Variants in FGFR1 observed in about 807,000 individuals in gnomAD.
The protein encoded by FGFR1 is FGFR1/PLAG1 fusion.
FGFR1 carries 18 observed loss-of-function variants against 93.7 expected under a neutral mutation model. That is an observed-to-expected ratio of 0.19 (90% CI 0.13 to 0.28). The LOEUF is 0.28. FGFR1 is among the 10% of genes least tolerant of loss of function. The pLI is 1.00. For missense variants in FGFR1, 731 were observed against 1,080.4 expected, an observed-to-expected ratio of 0.68 and a Z score of 4.53; for synonymous variants, 448 against 429.3, an observed-to-expected ratio of 1.04 and a Z score of -0.54.
rs1216596613 is a variant in FGFR1 at position 38,429,407 on chromosome 8, TC to T, written c.358+274del. 2.9e-6 allele frequency: 2 copies of T among 695,090 alleles called. No individual in the cohort carries two copies. Among genetic ancestry groups the T allele is most frequent in the Non-Finnish European group, 5.3e-6 (2 of 377,346 alleles). The allele number at this position is 695,090 out of a possible 1,614,324, so 43.1% of individuals were successfully genotyped here. ...CTGGGCAAGCTGTGGTGGAAAAAAA[TC>T]ACAGGGTCTTAACATCCCAAGAGCC... is the stretch of plus-strand genomic sequence containing the variant. On this transcript the variant is annotated intron_variant, in intron 3 of 17. Coordinates refer to ENST00000447712, the MANE Select transcript of FGFR1 (RefSeq NM_023110.3). The surrounding 1 kb of genome is among the most constrained non-coding windows in gnomAD (Gnocchi z 4.4).
intron 9 of FGFR1, chr8:38,418,792 A>G: frequency 3.8e-6 from 1 of 261,694 alleles, no homozygotes; most frequent in Non-Finnish European, 7.5e-6. Context: ...TGCCATCTGT[A>G]CCATTTCCTC....
At chr8:38,421,382 C>T (rs1818713099) in intron 8 of FGFR1, among the ~76,000 whole-genome samples, 1 of 152,194 alleles carries the variant, frequency 6.6e-6, no homozygotes, top group African/African-American at 2.4e-5. Flanking sequence ...AAGCCCCACC[C>T]CTGGGCTGAG....
chr8:38,457,029 T>A (rs1210586637), intron 2 of FGFR1, among the ~76,000 whole-genome samples: 2 of 152,220 alleles, frequency 1.3e-5, no homozygotes. Flanking sequence ...ATCACCTATG[T>A]TAAAGTGTGA....
intron 2 of FGFR1, among the ~76,000 whole-genome samples, chr8:38,444,017 C>A (rs564228070): frequency 7.5e-6 from 1 of 134,174 alleles, no homozygotes; most frequent in South Asian, 2.4e-4. Flanking sequence ...CGCACCATTG[C>A]ACCCCAGCCT....
chr8:38,451,478 G>C (rs1243923783), intron 2 of FGFR1, among the ~76,000 whole-genome samples: 2 of 152,160 alleles, frequency 1.3e-5, no homozygotes, highest in Non-Finnish European at 2.9e-5. Flanking sequence ...AGGGCCCTAT[G>C]ATCTGAGGCT....
At chr8:38,462,941 G>T (rs1834748785) in intron 1 of FGFR1, among the ~76,000 whole-genome samples, 3 of 128,052 alleles carry the variant, frequency 2.3e-5, no homozygotes, top group Non-Finnish European at 3.2e-5. Context: ...GTCTTCCTCT[G>T]TCCCCCAGGC....
intron 1 of FGFR1, chr8:38,461,243 A>C: frequency 1.1e-6 from 1 of 936,402 alleles, no homozygotes; most frequent in Non-Finnish European, 1.6e-6. Flanking sequence ...GTGACCTTGA[A>C]GCTCTCCCAC....
rs186562285 is a variant in FGFR1 at position 38,411,932 on chromosome 8, C to T, written c.*1696G>A. 12 of 230,142 alleles carry T rather than the reference C, an allele frequency of 5.2e-5. No homozygotes were observed. The highest frequency in any genetic ancestry group is 3.1e-4 in the East Asian group (5 of 16,108). 14.3% of individuals were successfully genotyped at this position (230,142 alleles called of 1,614,324 possible). A position where few individuals can be genotyped will look rare whatever the true frequency, so the allele number is the denominator to read the frequency against. ...TCTGGGGAGGCATACCAACAAGAAA[C>T]GAAGCCAGGGACCTGAATGCAAAAC... On this transcript the variant is annotated 3_prime_UTR_variant, in exon 18 of 18. Coordinates refer to ENST00000447712, the MANE Select transcript of FGFR1 (RefSeq NM_023110.3).
At chr8:38,450,862 C>G (rs1411332536) in intron 2 of FGFR1, among the ~76,000 whole-genome samples, 1 of 152,210 alleles carries the variant, frequency 6.6e-6, no homozygotes, top group Non-Finnish European at 1.5e-5. Flanking sequence ...AGAACACAGC[C>G]TCGGAGTGGC....
Position 38,413,772 on chromosome 8 carries a change from C to G in FGFR1, c.2325G>C (p.Gln775His), listed in dbSNP as rs1172958596. 6.2e-7 allele frequency: 1 copy of G among 1,614,090 alleles called. No homozygotes were observed. Among genetic ancestry groups the G allele is most frequent in the Non-Finnish European group, 8.5e-7 (1 of 1,179,988 alleles). Reference protein sequence around the residue: ...EYLDLSMPLDQYSPSFPDTRS... With the variant: ...EYLDLSMPLDHYSPSFPDTRS... ...GGGTGTCGGGAAAGCTGGGGGAGTACTGGTCCAGGGGCATGGACAGGTCCA... is the reference window on the plus strand; with the variant it reads ...GGGTGTCGGGAAAGCTGGGGGAGTAGTGGTCCAGGGGCATGGACAGGTCCA... The change falls in exon 18 of 18, where the codon CAG becomes CAC. Residue 775 changes from glutamine to histidine, a missense_variant. Around this residue, in one of 10 missense-constraint regions of FGFR1, gnomAD observed 79 missense variants for 97.2 expected, o/e 0.81. Coordinates refer to ENST00000447712, the MANE Select transcript of FGFR1 (RefSeq NM_023110.3). The surrounding 1 kb of genome is among the most constrained non-coding windows in gnomAD (Gnocchi z 4.2).
chr8:38,415,668 A>T (rs949521147), intron 13 of FGFR1, among the ~76,000 whole-genome samples: 18 of 152,136 alleles, frequency 1.2e-4, no homozygotes, highest in Non-Finnish European at 1.3e-4. Context: ...ACCCTGCATC[A>T]GTCTGACCCC....
intron 2 of FGFR1, among the ~76,000 whole-genome samples, chr8:38,445,987 A>G (rs1170728473): frequency 6.6e-6 from 1 of 152,096 alleles, no homozygotes; most frequent in Admixed American, 6.5e-5. Context: ...TAAACTCTGG[A>G]GTTTGACACC....
Position 38,457,495 on chromosome 8 carries a change from A to G in FGFR1, c.-49T>C, listed in dbSNP as rs775142299. On this transcript the variant is annotated 5_prime_UTR_variant, in exon 2 of 18. Coordinates refer to ENST00000447712, the MANE Select transcript of FGFR1 (RefSeq NM_023110.3). ...GTGACAAGGCTCCACATCTCCATGG[A>G]TACTCCACAGTGAGCTCGATCCTCC... 4.3e-6 allele frequency: 7 copies of G among 1,612,244 alleles called. No individual in the cohort carries two copies. The African/African-American group carries it at 5.3e-5, about 12-fold the overall frequency.
intron 12 of FGFR1, among the ~76,000 whole-genome samples, chr8:38,416,319 C>G (rs1816582764): frequency 6.6e-6 from 1 of 152,198 alleles, no homozygotes; most frequent in Non-Finnish European, 1.5e-5. Context: ...GAGTCTCACT[C>G]TGTTGCCCAG....
At chr8:38,462,372 C>T (rs1004255142) in intron 1 of FGFR1, among the ~76,000 whole-genome samples, 1 of 151,816 alleles carries the variant, frequency 6.6e-6, no homozygotes, top group Admixed American at 6.6e-5. Flanking sequence ...CGTGCAGTGG[C>T]GCGCGCCTGT....
chr8:38,421,720 C>T (rs1266840165), intron 8 of FGFR1, 77 bp downstream of exon 8: 1 of 1,507,856 alleles, frequency 6.6e-7, no homozygotes, highest in Non-Finnish European at 9.2e-7. Context: ...TCTGTGTCTC[C>T]CCAAGCCTGG....
chr8:38,433,915 G>A (rs1312022455), intron 2 of FGFR1, among the ~76,000 whole-genome samples: 2 of 152,054 alleles, frequency 1.3e-5, no homozygotes, highest in African/African-American at 4.8e-5. Flanking sequence ...ACCCATAGTA[G>A]TCACTCCTCC....
chr8:38,466,830 T>C (rs1277387645), intron 1 of FGFR1: 2 of 206,898 alleles, frequency 9.7e-6, no homozygotes, highest in East Asian at 7.2e-5. Flanking sequence ...AAAGGCACCG[T>C]GGTAATGTTT....
At chr8:38,450,402 C>T (rs775665249) in intron 2 of FGFR1, among the ~76,000 whole-genome samples, 1 of 152,120 alleles carries the variant, frequency 6.6e-6, no homozygotes, top group African/African-American at 2.4e-5. Flanking sequence ...CCCAGTGGCC[C>T]CGGAGGAACG....
Sources: gnomAD v4.1 joint callset for allele counts (sites outside exome capture counted in the v4.1 genomes callset) on GRCh38, gnomAD v4.1.1 for gene constraint, gnomAD v4.1.1 regional missense constraint, Gnocchi (gnomAD v3.1) non-coding constraint, MANE v1.5 for transcripts, NCBI Gene and HGNC (gene_info 2026-07-23, HGNC 2026-07-21) for gene names.